Variants in MPRIP observed in about 807,000 individuals in gnomAD.
MPRIP encodes myosin phosphatase Rho interacting protein.
A neutral mutation model predicts 234.9 loss-of-function variants in MPRIP; 59 were observed. The observed-to-expected ratio is 0.25, with a 90% CI of 0.20 to 0.31. The LOEUF is 0.31. Ranked by LOEUF, MPRIP falls within the 10% of genes least tolerant of loss-of-function variation. MPRIP has a pLI of 1.00. For missense variants in MPRIP, 2,436 were observed against 3,071.0 expected, an observed-to-expected ratio of 0.79 and a Z score of 4.89; for synonymous variants, 1,144 against 1,263.9, an observed-to-expected ratio of 0.91 and a Z score of 2.01.
intron 14 of MPRIP, 126 bp downstream of exon 14, chr17:17,159,128 G>T: frequency 1.0e-6 from 1 of 980,180 alleles, no homozygotes. Context: ...CAGACCCCTA[G>T]GGGAGACAGA....
In MPRIP at chr17:17,075,739, C is replaced by T. The variant is rs566428656; in HGVS notation, c.153C>T (p.Leu51=). The T allele has an allele frequency of 3.7e-6, 6 of 1,614,136 alleles. No homozygotes were observed. In the Admixed American group the frequency reaches 5.0e-5, roughly 13 times the overall value. The change falls in exon 2 of 24, where the codon CTC becomes CTT. Residue 51 remains leucine (L), a synonymous_variant. Coordinates refer to ENST00000651222, the MANE Select transcript of MPRIP (RefSeq NM_001364716.4). The part of the protein sequence containing the change: ...QAKPIYGGWL[L]LAPDGTDFDN... ...AACCCATTTATGGCGGTTGGCTGCT[C>T]CTGGCTCCAGATGGGACCGACTTTG... is the stretch of plus-strand genomic sequence containing the variant.
At chr17:17,061,143 G>A (rs1661033315) in intron 1 of MPRIP, among the ~76,000 whole-genome samples, 1 of 152,228 alleles carries the variant, frequency 6.6e-6, no homozygotes, top group Admixed American at 6.5e-5. Context: ...CAGAGCCACT[G>A]ATCCTCTTGC....
intron 3 of MPRIP, among the ~76,000 whole-genome samples, chr17:17,112,545 T>C (rs567801030): frequency 3.9e-5 from 6 of 152,170 alleles, no homozygotes; most frequent in Non-Finnish European, 8.8e-5. Context: ...CTGTCCTCTG[T>C]ACGTGGAACA....
intron 3 of MPRIP, among the ~76,000 whole-genome samples, chr17:17,089,174 C>T (rs558922291): frequency 1.3e-5 from 2 of 152,328 alleles, no homozygotes; most frequent in South Asian, 4.1e-4. Flanking sequence ...TTGCCACAAA[C>T]TTAGTGGCTT....
intron 3 of MPRIP, among the ~76,000 whole-genome samples, chr17:17,096,273 T>G (rs528611492): frequency 3.2e-5 from 4 of 125,564 alleles, no homozygotes; most frequent in South Asian, 6.0e-4. Context: ...CTTGGCAGGG[T>G]GTGTGTGTGT....
At chr17:17,070,553 C>G (rs565691774) in intron 1 of MPRIP, among the ~76,000 whole-genome samples, 1 of 152,152 alleles carries the variant, frequency 6.6e-6, no homozygotes, top group African/African-American at 2.4e-5. Context: ...TAAGCCCACC[C>G]GGGAGCTTTT....
chr17:17,133,559 A>G (rs759933444), intron 5 of MPRIP, among the ~76,000 whole-genome samples: 6 of 152,144 alleles, frequency 3.9e-5, no homozygotes, highest in Non-Finnish European at 8.8e-5. Context: ...TTCTTTCTCC[A>G]TGGCCCAGTG....
At chr17:17,102,409 C>G (rs1446442937) in intron 3 of MPRIP, among the ~76,000 whole-genome samples, 1 of 152,226 alleles carries the variant, frequency 6.6e-6, no homozygotes, top group Non-Finnish European at 1.5e-5. Context: ...GCTGAGACAC[C>G]TGGGCCTCCA....
chr17:17,165,450 G>A lies in MPRIP; in HGVS notation c.3859G>A (p.Asp1287Asn). The A allele has an allele frequency of 7.7e-7, 1 of 1,304,262 alleles. No individual in the cohort carries two copies. 80.8% of individuals were successfully genotyped at this position (1,304,262 alleles called of 1,614,324 possible). A position where few individuals can be genotyped will look rare whatever the true frequency, so the allele number is the denominator to read the frequency against. The change falls in exon 16 of 24, where the codon GAC becomes AAC. Residue 1287 changes from aspartate (D) to asparagine (N), a missense_variant. Coordinates refer to ENST00000651222, the MANE Select transcript of MPRIP (RefSeq NM_001364716.4). Reference protein sequence around the residue: ...EYGDGSPSREDSMVPPKSVEV... With the variant: ...EYGDGSPSRENSMVPPKSVEV... ...CGGTGATGGCAGCCCCAGTAGGGAA[G>A]ACAGCATGGTGCCCCCAAAGTCAGT... is the stretch of plus-strand genomic sequence containing the variant.
chr17:17,168,909 A>G (rs994054201), intron 16 of MPRIP: 4 of 456,498 alleles, frequency 8.8e-6, no homozygotes, highest in Non-Finnish European at 1.8e-5. Context: ...CTGCCTACAC[A>G]TCCTCACAGC....
intron 7 of MPRIP, chr17:17,141,644 C>G (rs572672797): frequency 6.6e-6 from 1 of 152,474 alleles, no homozygotes; most frequent in Non-Finnish European, 1.5e-5. Context: ...AGGAATTGAT[C>G]TTGTTTCCTC....
rs2090749966 is a variant in MPRIP, at chr17:17,138,438, C to T, written c.1250+9C>T. On this transcript the variant is annotated intron_variant, in intron 7 of 23. Transcript: ENST00000651222. The surrounding 1 kb of genome is among the most constrained non-coding windows in gnomAD (Gnocchi z 5.8). The stretch of plus-strand genomic sequence containing the variant: ...TTTGGCAACGAGCGGAGGTAAGGAG[C>T]AGGTTAGAGGGTTGAACACCCAGGC... 4.3e-6 allele frequency: 1 copy of T among 233,222 alleles called. No individual in the cohort carries two copies. Among genetic ancestry groups the T allele is most frequent in the Non-Finnish European group, 8.3e-6 (1 of 120,216 alleles). 14.4% of individuals were successfully genotyped at this position (233,222 alleles called of 1,614,324 possible). A position where few individuals can be genotyped will look rare whatever the true frequency, so the allele number is the denominator to read the frequency against.
At chr17:17,085,647 C>T (rs950616687) in intron 3 of MPRIP, among the ~76,000 whole-genome samples, 2 of 152,334 alleles carry the variant, frequency 1.3e-5, no homozygotes, top group African/African-American at 2.4e-5. Context: ...GGTGTGGTGG[C>T]TCACGCCTGT....
At chr17:17,147,633 G>T (rs1455664061) in intron 11 of MPRIP, among the ~76,000 whole-genome samples, 1 of 152,172 alleles carries the variant, frequency 6.6e-6, no homozygotes, top group Non-Finnish European at 1.5e-5. Flanking sequence ...TGTGATGCTG[G>T]GCTTCGTCAA....
At chr17:17,107,103 T>C (rs2090077608) in intron 3 of MPRIP, among the ~76,000 whole-genome samples, 1 of 152,254 alleles carries the variant, frequency 6.6e-6, no homozygotes, top group Admixed American at 6.5e-5. Context: ...ATTCTTAGCT[T>C]CTGCTCCTGT....
At chr17:17,151,339 G>T (rs954604983) in intron 12 of MPRIP, among the ~76,000 whole-genome samples, 3 of 152,216 alleles carry the variant, frequency 2.0e-5, no homozygotes, top group Non-Finnish European at 2.9e-5. Context: ...GAGCCATGTG[G>T]AGTAGAATCT....
At chr17:17,051,529 C>T (rs1191528211) in intron 1 of MPRIP, among the ~76,000 whole-genome samples, 1 of 152,136 alleles carries the variant, frequency 6.6e-6, no homozygotes, top group African/African-American at 2.4e-5. Context: ...CTTGGCCTCC[C>T]ATCCTGGGGC....
intron 7 of MPRIP, among the ~76,000 whole-genome samples, chr17:17,141,262 A>G (rs1023670174): frequency 6.6e-6 from 1 of 152,158 alleles, no homozygotes; most frequent in African/African-American, 2.4e-5. Context: ...TCCCACCACA[A>G]TCGCTCAAGT....
intron 3 of MPRIP, among the ~76,000 whole-genome samples, chr17:17,121,815 C>T (rs992180319): frequency 2.0e-5 from 3 of 152,138 alleles, no homozygotes; most frequent in Non-Finnish European, 4.4e-5. Context: ...CTCTTCCCAC[C>T]CTCCCCACTC....
Sources: allele counts gnomAD v4.1 joint callset (sites outside exome capture counted in the v4.1 genomes callset), GRCh38; gene constraint gnomAD v4.1.1; non-coding constraint Gnocchi (gnomAD v3.1); transcripts MANE v1.5; gene names NCBI Gene and HGNC (gene_info 2026-07-23, HGNC 2026-07-21).